The following METTL2B variants were observed in gnomAD, a reference collection of about 807,000 sequenced individuals.
The protein encoded by METTL2B is methyltransferase 2B, tRNA N3-cytidine.
In METTL2B, 28 loss-of-function variants were observed where a neutral mutation model predicts 51.0. The observed-to-expected ratio is 0.55, with a 90% CI of 0.41 to 0.75. METTL2B has a LOEUF of 0.75. Ranked by LOEUF, METTL2B falls within the 30% of genes least tolerant of loss-of-function variation. METTL2B has a pLI of 0.00. For synonymous variants in METTL2B, 128 were observed against 166.3 expected (o/e 0.77, Z 1.77); for missense variants, 313 against 460.7 (o/e 0.68, Z 2.93).
chr7:128,482,782 C>T (rs1799888280), intron 4 of METTL2B, among the ~76,000 whole-genome samples: 2 of 152,340 alleles, frequency 1.3e-5, no homozygotes, highest in Non-Finnish European at 2.9e-5. Context: ...GATCCACCCA[C>T]CTCAGCCTCC....
Position 128,503,659 on chromosome 7 carries a change from G to C in METTL2B, c.*1743G>C, listed in dbSNP as rs1197417577. 2.6e-5 allele frequency: 4 copies of C among 151,842 alleles called. No homozygotes were observed. The highest frequency in any genetic ancestry group is 9.7e-5 in the African/African-American group (4 of 41,342). The allele number at this position is 151,842 out of a possible 1,614,324, so 9.4% of individuals were successfully genotyped here. A position where few individuals can be genotyped will look rare whatever the true frequency, so the allele number is the denominator to read the frequency against. On this transcript the variant is annotated 3_prime_UTR_variant, in exon 9 of 9. Coordinates refer to ENST00000262432, the MANE Select transcript of METTL2B (RefSeq NM_018396.3). ...TTTTCAATTATTTTTACATATTTCT[G>C]TCTTGATCCATGCAGTTATAGGATA...
intron 2 of METTL2B, 115 bp downstream of exon 2, chr7:128,477,288 G>C (rs2116837163): frequency 7.2e-7 from 1 of 1,388,364 alleles, no homozygotes; most frequent in Non-Finnish European, 1.0e-6. Flanking sequence ...GCCTGATGCG[G>C]ATCTCAGGAG....
chr7:128,485,816 A>G (rs1431697746), intron 4 of METTL2B, among the ~76,000 whole-genome samples: 1 of 152,198 alleles, frequency 6.6e-6, no homozygotes, highest in African/African-American at 2.4e-5. Flanking sequence ...TGTCTCAAAA[A>G]TCAATAAAAC....
Position 128,502,555 on chromosome 7 carries a change from A to G in METTL2B, c.*639A>G, listed in dbSNP as rs1793048444. ...ACAAGAAAAAAATGACCCTGTAGACAGCATCAAAATGTGGTGTTCTTGTTA... is the reference window on the plus strand; with the variant it reads ...ACAAGAAAAAAATGACCCTGTAGACGGCATCAAAATGTGGTGTTCTTGTTA... On this transcript the variant is annotated 3_prime_UTR_variant, in exon 9 of 9. Transcript: ENST00000262432. 1 of 453,444 alleles carries G rather than the reference A, an allele frequency of 2.2e-6. No homozygotes were observed. Among genetic ancestry groups the G allele is most frequent in the Admixed American group, 2.4e-5 (1 of 42,298 alleles). 28.1% of individuals were successfully genotyped at this position (453,444 alleles called of 1,614,324 possible). A position where few individuals can be genotyped will look rare whatever the true frequency, so the allele number is the denominator to read the frequency against.
intron 7 of METTL2B, among the ~76,000 whole-genome samples, chr7:128,499,393 C>T (rs1792984702): frequency 6.6e-6 from 1 of 152,194 alleles, no homozygotes; most frequent in African/African-American, 2.4e-5. Flanking sequence ...GCCCTTGTTG[C>T]CCAGGCTGGA....
chr7:128,484,231 T>TTTTTTTTTTTG (rs1792652405), intron 4 of METTL2B: 1 of 108,804 alleles, frequency 9.2e-6, no homozygotes, highest in African/African-American at 3.5e-5. Context: ...TTTTTTTTTT[T>TTTTTTTTTTTG]TTTTTTTTTT....
At chr7:128,485,892 A>G (rs1304800874) in intron 4 of METTL2B, among the ~76,000 whole-genome samples, 11 of 152,208 alleles carry the variant, frequency 7.2e-5, no homozygotes, top group Non-Finnish European at 1.5e-4. Context: ...GATTTAATGT[A>G]TGCAGGAGGA....
At chr7:128,491,927 A>T (rs945733094) in intron 5 of METTL2B, among the ~76,000 whole-genome samples, 48 of 152,292 alleles carry the variant, frequency 3.2e-4, no homozygotes, top group Admixed American at 9.8e-4. Context: ...AATTTTCTAC[A>T]TCTACAGAAA....
At chr7:128,485,511 A>G (rs972367099) in intron 4 of METTL2B, among the ~76,000 whole-genome samples, 1 of 151,964 alleles carries the variant, frequency 6.6e-6, no homozygotes, top group Non-Finnish European at 1.5e-5. Flanking sequence ...AAAATACAAA[A>G]AAAAATTAGC....
chr7:128,482,731 G>A (rs186469796), intron 4 of METTL2B, among the ~76,000 whole-genome samples: 3 of 151,646 alleles, frequency 2.0e-5, no homozygotes, highest in African/African-American at 4.8e-5. Context: ...ATGGGGTTTC[G>A]CCGTGTCGGC....
chr7:128,497,627 C>CG (rs1401326716), intron 6 of METTL2B, among the ~76,000 whole-genome samples: 5 of 152,194 alleles, frequency 3.3e-5, no homozygotes, highest in Non-Finnish European at 7.3e-5. Context: ...GGATTATAGA[C>CG]GCATGCCACC....
rs1584788756 is a variant in METTL2B, at chr7:128,480,078, T to C, written c.558+565T>C. 2.0e-5 allele frequency among the ~76,000 whole-genome samples: 3 copies of C among 152,338 alleles called. No individual in the cohort carries two copies. The East Asian group carries it at 5.8e-4, about 29-fold the overall frequency. On this transcript the variant is annotated intron_variant, in intron 3 of 8. Transcript: ENST00000262432. Reference sequence around the variant, plus strand: ...GTTCTGGAACTGGTTAGCCTTGGGATTGAGTCCTATGGTGTGATCTTAGAC... The same window carrying C: ...GTTCTGGAACTGGTTAGCCTTGGGACTGAGTCCTATGGTGTGATCTTAGAC...
At position 128,476,786 on chromosome 7, in the gene METTL2B, A is replaced by G; in HGVS notation, c.21A>G (p.Glu7=). The G allele has an allele frequency of 6.2e-7, 1 of 1,614,136 alleles. No homozygotes were observed. The highest frequency in any genetic ancestry group is 8.5e-7 in the Non-Finnish European group (1 of 1,180,008). ...GTGTCATGGCCGGCTCCTACCCTGA[A>G]GGTGCACCTGCAATCCTCGCCGATA... The part of the protein sequence containing the change: MAGSYP[E]GAPAILADKR... Residue 7 remains glutamate (E), a synonymous_variant, in exon 1 of 9, where the codon GAA becomes GAG. Coordinates refer to ENST00000262432, the MANE Select transcript of METTL2B (RefSeq NM_018396.3).
chr7:128,498,494 T>A (rs1563031279), intron 7 of METTL2B, among the ~76,000 whole-genome samples: 3 of 150,708 alleles, frequency 2.0e-5, no homozygotes, highest in East Asian at 3.9e-4. Context: ...AAGTATAATT[T>A]TAAAAAAAAA....
chr7:128,500,188 G>C (rs986891746), intron 7 of METTL2B, among the ~76,000 whole-genome samples: 1 of 152,184 alleles, frequency 6.6e-6, no homozygotes, highest in African/African-American at 2.4e-5. Context: ...AGAAGGGAAA[G>C]CATGTTCATG....
At chr7:128,489,864 G>A (rs1193893460) in intron 5 of METTL2B, among the ~76,000 whole-genome samples, 4 of 151,854 alleles carry the variant, frequency 2.6e-5, no homozygotes, top group African/African-American at 4.8e-5. Flanking sequence ...TCCTGACCTC[G>A]TGATCCGCCC....
At chr7:128,478,614 C>G (rs1185474996) in intron 2 of METTL2B, among the ~76,000 whole-genome samples, 4 of 144,478 alleles carry the variant, frequency 2.8e-5, no homozygotes, top group Non-Finnish European at 4.5e-5. Context: ...CCTGTAATCC[C>G]AGCACTTTGA....
At position 128,500,809 on chromosome 7, in the gene METTL2B, C is replaced by T. The variant is rs548567683; in HGVS notation, c.917-94C>T. On this transcript the variant is annotated intron_variant, in intron 7 of 8. Transcript: ENST00000262432. Reference sequence around the variant, plus strand: ...AGCACTGAGGCAGGAGTGCTCTCCACCCAACAAACTGGCCTCTCAGTTAAC... The same window carrying T: ...AGCACTGAGGCAGGAGTGCTCTCCATCCAACAAACTGGCCTCTCAGTTAAC... 1.4e-5 allele frequency: 21 copies of T among 1,453,256 alleles called. No individual in the cohort carries two copies. In the East Asian group the frequency reaches 4.6e-4, roughly 32 times the overall value. The allele number at this position is 1,453,256 out of a possible 1,614,324, so 90.0% of individuals were successfully genotyped here.
intron 4 of METTL2B, chr7:128,483,506 T>C (rs916938557): frequency 1.3e-5 from 2 of 152,374 alleles, no homozygotes; most frequent in Admixed American, 6.5e-5. Context: ...ATCAGAAGCA[T>C]CTAGAAAACT....
Sources: gnomAD v4.1 joint callset for allele counts (sites outside exome capture counted in the v4.1 genomes callset) on GRCh38, gnomAD v4.1.1 for gene constraint, MANE v1.5 for transcripts, NCBI Gene and HGNC (gene_info 2026-07-23, HGNC 2026-07-21) for gene names.